XRN1: variants seen among roughly 807,000 people sequenced by gnomAD.
XRN1 encodes 5'-3' exoribonuclease 1, also known as strand-exchange protein 1 homolog.
Under a neutral mutation model 222.3 loss-of-function variants are expected in XRN1, and 67 were observed. That is an observed-to-expected ratio of 0.30 (90% confidence interval 0.25 to 0.37). The LOEUF is 0.37. XRN1 is among the 10% of genes least tolerant of loss of function. The probability of loss-of-function intolerance (pLI) is 1.00; values close to 1 mark genes in which losing one functional copy is unlikely to be tolerated. For synonymous variants in XRN1, 643 were observed against 652.4 expected, an observed-to-expected ratio of 0.99 and a Z score of 0.22; for missense variants, 1,707 against 2,000.2, an observed-to-expected ratio of 0.85 and a Z score of 2.80.
Position 142,422,930 on chromosome 3 carries a change from TAGTC to T in XRN1, c.711-12_711-9del. 2 of 1,597,418 alleles carry T rather than the reference TAGTC, an allele frequency of 1.3e-6. No homozygotes were observed. The highest frequency in any genetic ancestry group is 1.7e-6 in the Non-Finnish European group (2 of 1,169,702). The stretch of plus-strand genomic sequence containing the variant: ...TCTTCTGGAGCACATACCCTGGAAT[TAGTC>T]AGATGATCAAGATACAGTGAATTTT... On this transcript the variant is annotated splice_polypyrimidine_tract_variant and intron_variant, in intron 6 of 40. Coordinates refer to ENST00000392981, the MANE Select transcript of XRN1 (RefSeq NM_001282857.2).
chr3:142,327,449 C>A (rs1359154610), intron 37 of XRN1, among the ~76,000 whole-genome samples: 2 of 151,334 alleles, frequency 1.3e-5, no homozygotes, highest in Non-Finnish European at 2.9e-5. Context: ...GTAATGACTC[C>A]TTTTTCATCT....
At position 142,404,889 on chromosome 3, in the gene XRN1, A is replaced by G; in HGVS notation, c.1883+18T>C. ...AGGAGCGCTCTTTTGTTGTTGAAAA[A>G]TTACCAAGTAACATTACCTTGTACA... On this transcript the variant is annotated intron_variant, in intron 16 of 40. Coordinates refer to ENST00000392981, the MANE Select transcript of XRN1 (RefSeq NM_001282857.2). 4 of 1,613,146 alleles carry G rather than the reference A, an allele frequency of 2.5e-6. No homozygotes were observed. The highest frequency in any genetic ancestry group is 3.4e-6 in the Non-Finnish European group (4 of 1,179,618).
At chr3:142,351,929 A>G (rs1237980217) in intron 32 of XRN1, among the ~76,000 whole-genome samples, 2 of 151,498 alleles carry the variant, frequency 1.3e-5, no homozygotes, top group African/African-American at 4.8e-5. Context: ...AGGTCCCAGA[A>G]TCGGCCTCAC....
At chr3:142,375,066 TC>T (rs1201755039) in intron 25 of XRN1, among the ~76,000 whole-genome samples, 1 of 152,132 alleles carries the variant, frequency 6.6e-6, no homozygotes, top group Non-Finnish European at 1.5e-5. Flanking sequence ...CAGAGATGCT[TC>T]CCTAGTGCCT....
chr3:142,433,099 G>A (rs1305434523), intron 1 of XRN1, among the ~76,000 whole-genome samples: 1 of 152,152 alleles, frequency 6.6e-6, no homozygotes, highest in Non-Finnish European at 1.5e-5. Context: ...ATGCACCAAT[G>A]ACTTGATCAA....
intron 23 of XRN1, among the ~76,000 whole-genome samples, chr3:142,379,258 G>A (rs550458060): frequency 5.9e-5 from 9 of 152,220 alleles, no homozygotes; most frequent in African/African-American, 1.4e-4. Flanking sequence ...ATGACAGAGC[G>A]AAACTCTGTC....
At chr3:142,418,760 A>G (rs1375758919) in intron 11 of XRN1, 55 bp downstream of exon 11, 24 of 1,573,682 alleles carry the variant, frequency 1.5e-5, no homozygotes, top group Non-Finnish European at 5.2e-6. Context: ...AATAAAAGGT[A>G]TAACAATTAT....
At chr3:142,316,809 T>C (rs2065222644) in intron 39 of XRN1, among the ~76,000 whole-genome samples, 1 of 152,168 alleles carries the variant, frequency 6.6e-6, no homozygotes, top group African/African-American at 2.4e-5. Context: ...GGCTCATGCT[T>C]GTAATCTCAG....
chr3:142,432,550 T>A (rs1241655958), intron 2 of XRN1, 111 bp downstream of exon 2: 3 of 1,034,132 alleles, frequency 2.9e-6, no homozygotes, highest in African/African-American at 1.6e-5. Context: ...TCTGGGGGAG[T>A]TTACGCAGAA....
chr3:142,367,485 A>C (rs1255991946), intron 27 of XRN1, among the ~76,000 whole-genome samples: 2 of 152,156 alleles, frequency 1.3e-5, no homozygotes, highest in Admixed American at 1.3e-4. Context: ...GGAAAGTTCT[A>C]CCAGTAATTT....
intron 20 of XRN1, among the ~76,000 whole-genome samples, chr3:142,396,667 T>C (rs954303036): frequency 1.3e-5 from 2 of 152,192 alleles, no homozygotes; most frequent in Admixed American, 1.3e-4. Context: ...AGAAGGAGTA[T>C]CCCTGAATTC....
chr3:142,425,936 A>G (rs1026957381), intron 3 of XRN1, among the ~76,000 whole-genome samples: 2 of 150,346 alleles, frequency 1.3e-5, no homozygotes, highest in Admixed American at 1.3e-4. Context: ...CAGATTGTCA[A>G]TAATAATAAT....
chr3:142,339,795 T>TCAAAAA (rs1326510463), intron 33 of XRN1, among the ~76,000 whole-genome samples: 1 of 151,806 alleles, frequency 6.6e-6, no homozygotes, highest in Non-Finnish European at 1.5e-5. Context: ...AGACCCTGCC[T>TCAAAAA]CAAAAACAAA....
At chr3:142,421,181 T>A in intron 9 of XRN1, 28 bp from the exon 10 acceptor site, 3 of 1,505,254 alleles carry the variant, frequency 2.0e-6, no homozygotes, top group Admixed American at 2.3e-5. Flanking sequence ...AATTTATTTT[T>A]AAATAATTTA....
At chr3:142,321,566 T>G (rs2065357247) in intron 37 of XRN1, among the ~76,000 whole-genome samples, 1 of 152,234 alleles carries the variant, frequency 6.6e-6, no homozygotes, top group South Asian at 2.1e-4. Flanking sequence ...TGGGTAGTAC[T>G]GAGATCATAA....
At chr3:142,369,074 G>A (rs1055853460) in intron 27 of XRN1, among the ~76,000 whole-genome samples, 9 of 152,172 alleles carry the variant, frequency 5.9e-5, no homozygotes, top group African/African-American at 2.2e-4. Context: ...GGTGTTAGGG[G>A]AGACAGCTCC....
chr3:142,407,685 A>C (rs1041370244), intron 15 of XRN1: 2 of 151,466 alleles, frequency 1.3e-5, no homozygotes, highest in Non-Finnish European at 2.9e-5. Flanking sequence ...ATGAATTTGT[A>C]TATCATGCTT....
intron 20 of XRN1, among the ~76,000 whole-genome samples, chr3:142,391,922 T>A (rs751652023): frequency 6.6e-6 from 1 of 151,970 alleles, no homozygotes; most frequent in Non-Finnish European, 1.5e-5. Flanking sequence ...GATTACTAGA[T>A]CTGTCAGGAG....
At chr3:142,341,244 A>G (rs963980211) in intron 33 of XRN1, among the ~76,000 whole-genome samples, 15 of 152,310 alleles carry the variant, frequency 9.8e-5, no homozygotes, top group African/African-American at 2.6e-4. Context: ...ATAATGGGTT[A>G]TAAGAGAATT....
Sources: gnomAD v4.1 joint callset for allele counts (sites outside exome capture counted in the v4.1 genomes callset) on GRCh38, gnomAD v4.1.1 for gene constraint, MANE v1.5 for transcripts, NCBI Gene and HGNC (gene_info 2026-07-23, HGNC 2026-07-21) for gene names.